Variants in RBPJ observed in about 807,000 individuals in gnomAD.
The protein encoded by RBPJ is recombining binding protein suppressor of hairless.
Under a neutral mutation model 67.8 loss-of-function variants are expected in RBPJ, and 9 were observed. The ratio of observed to expected loss-of-function variants is 0.13; its 90% confidence interval spans 0.08 to 0.23. RBPJ has a LOEUF of 0.23. Among genes scored for constraint, RBPJ ranks in the 10% least tolerant of loss-of-function variants. RBPJ has a pLI of 1.00. For missense variants in RBPJ, 305 were observed against 595.6 expected, an observed-to-expected ratio of 0.51 and a Z score of 5.08; for synonymous variants, 198 against 203.3, an observed-to-expected ratio of 0.97 and a Z score of 0.22.
chr4:26,235,304 C>T lies in RBPJ; in HGVS notation c.-167+71690C>T, dbSNP rs150681962. ...ATTTGATCAAACATAATGATTACAA[C>T]GTAGGTTTTGAGTTCTAGACCAAAC... On this transcript the variant is annotated intron_variant, in intron 1 of 4. Coordinates refer to the RBPJ transcript ENST00000512351. Among the ~76,000 whole-genome samples the T allele has an allele frequency of 4.1e-3, 624 of 152,250 alleles. 5 individuals carry two copies. The highest frequency in any genetic ancestry group is 0.014 in the African/African-American group (598 of 41,550).
intron 1 of RBPJ, among the ~76,000 whole-genome samples, chr4:26,244,443 G>GTGCGCATATGTGTGTATATA (rs1324191065): frequency 9.5e-5 from 5 of 52,790 alleles, no homozygotes; most frequent in Non-Finnish European, 1.2e-4. Context: ...ATACATATGT[G>GTGCGCATATGTGTGTATATA]TGTATACATA....
intron 1 of RBPJ, among the ~76,000 whole-genome samples, chr4:26,214,122 G>A (rs557651179): frequency 6.6e-6 from 1 of 150,734 alleles, no homozygotes; most frequent in East Asian, 2.0e-4. Context: ...TCATTGCTAG[G>A]AAGGATGGAT....
the RBPJ span, among the ~76,000 whole-genome samples, chr4:26,149,022 A>T: frequency 2.0e-5 from 3 of 152,290 alleles, no homozygotes; most frequent in South Asian, 2.1e-4. Context: ...AAGTCTCCCC[A>T]CAACATGGAA....
At chr4:26,321,001 T>G, upstream of RBPJ, 1 of 1,612,202 alleles carries the variant, frequency 6.2e-7, no homozygotes, top group Non-Finnish European at 8.5e-7. Flanking sequence ...CTCGCGAGGG[T>G]TGGAGTTTTG....
intron 1 of RBPJ, among the ~76,000 whole-genome samples, chr4:26,270,413 G>GAAAGAAAGAAAGAAAGAAAGAAAGAA (rs1720863838): frequency 1.8e-5 from 1 of 55,826 alleles, no homozygotes; most frequent in South Asian, 6.0e-4. Context: ...AAGAAAGAAA[G>GAAAGAAAGAAAGAAAGAAAGAAAGAA]AAAGAAAGAA....
intron 1 of RBPJ, among the ~76,000 whole-genome samples, chr4:26,183,500 G>A (rs1444062969): frequency 1.3e-5 from 2 of 152,218 alleles, no homozygotes; most frequent in African/African-American, 4.8e-5. Context: ...CCTGACACTG[G>A]TGCAGCTCCC....
At chr4:26,183,230 T>G (rs1717084056) in intron 1 of RBPJ, among the ~76,000 whole-genome samples, 1 of 152,208 alleles carries the variant, frequency 6.6e-6, no homozygotes, top group Non-Finnish European at 1.5e-5. Flanking sequence ...CATAAACATG[T>G]GAGTAACACA....
At chr4:26,408,841 A>T (rs776347873) in intron 3 of RBPJ, among the ~76,000 whole-genome samples, 4 of 152,200 alleles carry the variant, frequency 2.6e-5, no homozygotes, top group Non-Finnish European at 5.9e-5. Flanking sequence ...ATACCATTCC[A>T]TTTGCGTTTG....
chr4:26,240,543 G>A (rs1429083688), intron 1 of RBPJ, among the ~76,000 whole-genome samples: 2 of 152,160 alleles, frequency 1.3e-5, no homozygotes, highest in East Asian at 3.8e-4. Context: ...TGCTGAAGTA[G>A]GGAAGGACGT....
chr4:26,231,200 A>T (rs115246324), intron 1 of RBPJ, among the ~76,000 whole-genome samples: 5 of 152,344 alleles, frequency 3.3e-5, no homozygotes, highest in African/African-American at 9.6e-5. Flanking sequence ...GAGAAAGGCT[A>T]GAGCCTCAAG....
chr4:26,192,103 G>A (rs1337964392), intron 1 of RBPJ, among the ~76,000 whole-genome samples: 1 of 151,246 alleles, frequency 6.6e-6, no homozygotes, highest in Non-Finnish European at 1.5e-5. Flanking sequence ...CTGCCTCCCA[G>A]GTTCAAGTGA....
upstream of RBPJ, chr4:26,319,642 G>T (rs1214580215): frequency 3.3e-6 from 2 of 611,076 alleles, no homozygotes; most frequent in Non-Finnish European, 5.9e-6. Flanking sequence ...TCCCACGGCC[G>T]TGTTGTGTCT....
At chr4:26,375,311 A>G (rs1729606186) in intron 1 of RBPJ, among the ~76,000 whole-genome samples, 1 of 146,556 alleles carries the variant, frequency 6.8e-6, no homozygotes, top group Admixed American at 6.9e-5. Flanking sequence ...AAAAAAAAAG[A>G]ATAATGTGGG....
chr4:26,219,933 G>A (rs973639610), intron 1 of RBPJ, among the ~76,000 whole-genome samples: 3 of 128,678 alleles, frequency 2.3e-5, no homozygotes, highest in Non-Finnish European at 5.0e-5. Context: ...CCACCACCAC[G>A]CCCAACTAAT....
At chr4:26,110,841 G>C in the RBPJ span, among the ~76,000 whole-genome samples, 5 of 152,184 alleles carry the variant, frequency 3.3e-5, no homozygotes, top group African/African-American at 1.2e-4. This position sits in a 1 kb window ranked among gnomAD's most constrained non-coding sequence, Gnocchi z 4.5. Flanking sequence ...TCAGTGGAGG[G>C]CCGGCATCAG....
the RBPJ span, among the ~76,000 whole-genome samples, chr4:26,145,600 A>C: frequency 6.6e-6 from 1 of 152,248 alleles, no homozygotes; most frequent in African/African-American, 2.4e-5. Context: ...GTTAAACAAC[A>C]CAGGACTGGG....
chr4:26,191,422 C>T (rs1036797580), intron 1 of RBPJ, among the ~76,000 whole-genome samples: 1 of 151,688 alleles, frequency 6.6e-6, no homozygotes, highest in East Asian at 1.9e-4. Flanking sequence ...CTACCCCCAT[C>T]CCAGGTAACA....
intron 4 of RBPJ, among the ~76,000 whole-genome samples, chr4:26,419,449 T>C (rs577303167): frequency 1.1e-3 from 170 of 152,356 alleles, no homozygotes; most frequent in Non-Finnish European, 2.0e-3. Flanking sequence ...TACAATAAAC[T>C]ATTGCAGTAG....
At chr4:26,351,878 G>T (rs1374972890) in intron 1 of RBPJ, among the ~76,000 whole-genome samples, 1 of 152,126 alleles carries the variant, frequency 6.6e-6, no homozygotes, top group Non-Finnish European at 1.5e-5. Flanking sequence ...TATGCAGTAG[G>T]GTCACTTTCC....
Sources: gnomAD v4.1 joint callset for allele counts (sites outside exome capture counted in the v4.1 genomes callset) on GRCh38, gnomAD v4.1.1 for gene constraint, Gnocchi (gnomAD v3.1) non-coding constraint, MANE v1.5 for transcripts, NCBI Gene and HGNC (gene_info 2026-07-23, HGNC 2026-07-21) for gene names.